RASGRP2: variants seen among roughly 807,000 people sequenced by gnomAD.
RASGRP2 encodes the protein RAS guanyl-releasing protein 2.
In RASGRP2, 44 loss-of-function variants were observed where a neutral mutation model predicts 71.0. The observed-to-expected ratio is 0.62, with a 90% CI of 0.49 to 0.80. The LOEUF is 0.80. Ranked by LOEUF, RASGRP2 falls within the 30% of genes least tolerant of loss-of-function variation. The pLI is 0.00. For missense variants in RASGRP2, 663 were observed against 813.4 expected (o/e 0.82, Z 2.25); for synonymous variants, 350 against 330.7 (o/e 1.06, Z -0.63).
chr11:64,729,726 C>T, intron 14 of RASGRP2, 36 bp downstream of exon 14: 1 of 1,599,288 alleles, frequency 6.3e-7, no homozygotes, highest in Non-Finnish European at 8.5e-7. Context: ...AAAAAAAAAA[C>T]ACTGCCCAGC....
At chr11:64,727,215 A>C (rs2057590940) in intron 16 of RASGRP2, 81 bp downstream of exon 16, 3 of 1,293,192 alleles carry the variant, frequency 2.3e-6, no homozygotes, top group Non-Finnish European at 3.4e-6. Flanking sequence ...CATTTGGATA[A>C]AGCACCCATT....
At chr11:64,729,958 G>C in intron 13 of RASGRP2, 95 bp downstream of exon 13, 2 of 1,529,768 alleles carry the variant, frequency 1.3e-6, no homozygotes, top group Non-Finnish European at 1.8e-6. Context: ...TTCCTGGCTT[G>C]AGAAGGGCTC....
At chr11:64,727,170 C>T in intron 16 of RASGRP2, 39 bp from the exon 17 acceptor site, 1 of 780,112 alleles carries the variant, frequency 1.3e-6, no homozygotes, top group South Asian at 1.4e-5. Flanking sequence ...AGACACCCCC[C>T]TAACAACAAG....
At position 64,739,019 on chromosome 11, in the gene RASGRP2, T is replaced by G. The variant is rs2135777475; in HGVS notation, c.813+341A>C. On this transcript the variant is annotated intron_variant, in intron 8 of 16. Transcript: ENST00000394432. This position sits in a 1 kb window ranked among gnomAD's most constrained non-coding sequence, Gnocchi z 4.2. ...TAGGCATGGTGGCGTACACCTGTAGTCCCAGCTACTCAGGAGGCTGAGGTG... is the reference window on the plus strand; with the variant it reads ...TAGGCATGGTGGCGTACACCTGTAGGCCCAGCTACTCAGGAGGCTGAGGTG... Among the ~76,000 whole-genome samples, 1 of 151,294 alleles carries G rather than the reference T, an allele frequency of 6.6e-6. No individual in the cohort carries two copies. The highest frequency in any genetic ancestry group is 2.1e-4 in the South Asian group (1 of 4,768).
intron 4 of RASGRP2, 86 bp from the exon 5 acceptor site, chr11:64,741,165 C>G (rs1032311200): frequency 6.6e-7 from 1 of 1,524,260 alleles, no homozygotes; most frequent in East Asian, 2.4e-5. Context: ...TTATAGTCAC[C>G]TAAGCAAAAA....
rs1040429254 is a variant in RASGRP2 at position 64,735,049 on chromosome 11, G to A, written c.1412+63C>T. 5.5e-6 allele frequency: 7 copies of A among 1,279,466 alleles called. No homozygotes were observed. Among genetic ancestry groups the A allele is most frequent in the Non-Finnish European group, 8.0e-6 (7 of 875,274 alleles). The allele number at this position is 1,279,466 out of a possible 1,614,324, so 79.3% of individuals were successfully genotyped here. On this transcript the variant is annotated intron_variant, in intron 12 of 16. Coordinates refer to ENST00000394432, the MANE Select transcript of RASGRP2 (RefSeq NM_001098671.2). This position sits in a 1 kb window ranked among gnomAD's most constrained non-coding sequence, Gnocchi z 4.2. ...GACCTCATCTTGCACACAAGAAACT[G>A]AAGCCCAGGCAGAAGTGGGCTGAGT...
At chr11:64,744,906 C>T (rs1444571837), upstream of RASGRP2, 4 of 146,802 alleles carry the variant, frequency 2.7e-5, no homozygotes, top group Non-Finnish European at 6.1e-5. Context: ...CCCCCTCCCC[C>T]CTCCGCCCCT....
Position 64,737,680 on chromosome 11 carries a change from A to G in RASGRP2, c.814-646T>C, listed in dbSNP as rs200228807. ...GGCGACAGAGCAAGACTCCATCTCA[A>G]AAAAAAAAAAAAAAAGAAAGAAAAA... On this transcript the variant is annotated intron_variant, in intron 8 of 16. Coordinates refer to ENST00000394432, the MANE Select transcript of RASGRP2 (RefSeq NM_001098671.2). Among the ~76,000 whole-genome samples, 2 of 3,600 alleles carry G rather than the reference A, an allele frequency of 5.6e-4. 1 individual carries two copies. The highest frequency in any genetic ancestry group is 5.9e-4 in the African/African-American group (2 of 3,414). 2.4% of individuals were successfully genotyped at this position (3,600 alleles called of 152,430 possible). A position where few individuals can be genotyped will look rare whatever the true frequency, so the allele number is the denominator to read the frequency against.
rs753286981 is a variant in RASGRP2 at position 64,735,709 on chromosome 11, G to T, written c.1174-45C>A. On this transcript the variant is annotated intron_variant, in intron 10 of 16. Coordinates refer to ENST00000394432, the MANE Select transcript of RASGRP2 (RefSeq NM_001098671.2). The surrounding 1 kb of genome is among the most constrained non-coding windows in gnomAD (Gnocchi z 4.2). Reference sequence around the variant, plus strand: ...TGAGCTAGGGCCAGAGGCAGGGGAAGCCCAGAGCCCCGGGGAACAGAGAGG... The same window carrying T: ...TGAGCTAGGGCCAGAGGCAGGGGAATCCCAGAGCCCCGGGGAACAGAGAGG... 1 of 1,580,308 alleles carries T rather than the reference G, an allele frequency of 6.3e-7. No individual in the cohort carries two copies. Among genetic ancestry groups the T allele is most frequent in the Non-Finnish European group, 8.6e-7 (1 of 1,164,864 alleles).
intron 12 of RASGRP2, among the ~76,000 whole-genome samples, chr11:64,734,506 G>T (rs1257876588): frequency 6.6e-6 from 1 of 151,788 alleles, no homozygotes; most frequent in East Asian, 1.9e-4. Flanking sequence ...TTACCACCTA[G>T]ATTTTATTTT....
rs1389480196 is a variant in RASGRP2 at position 64,739,388 on chromosome 11, T to C, written c.785A>G (p.His262Arg). 1.2e-5 allele frequency: 20 copies of C among 1,614,030 alleles called. No individual in the cohort carries two copies. Among genetic ancestry groups the C allele is most frequent in the Non-Finnish European group, 1.7e-5 (20 of 1,180,026 alleles). ...HSSISRLKET[H>R]SHVSPETIKL... Reference sequence around the variant, plus strand: ...GATGGTCTCAGGGCTAACGTGGCTGTGGGTCTCCTTGAGGCGGGAGATGGA... The same window carrying C: ...GATGGTCTCAGGGCTAACGTGGCTGCGGGTCTCCTTGAGGCGGGAGATGGA... Residue 262 changes from histidine to arginine, a missense_variant, in exon 8 of 17, where the codon CAC becomes CGC. His to Arg is a conservative substitution (Grantham distance 29). Transcript: ENST00000394432. This position sits in a 1 kb window ranked among gnomAD's most constrained non-coding sequence, Gnocchi z 4.2.
intron 5 of RASGRP2, chr11:64,740,454 G>A: frequency 1.6e-6 from 1 of 644,026 alleles, no homozygotes; most frequent in African/African-American, 1.8e-5. Context: ...AGTCTACTGA[G>A]GGAGACAGAC....
rs752084951 is a variant in RASGRP2 at position 64,735,942 on chromosome 11, G to A, written c.1134C>T (p.Tyr378=). The A allele has an allele frequency of 9.3e-6, 15 of 1,613,900 alleles. No individual in the cohort carries two copies. The African/African-American group carries it at 2.0e-4, about 22-fold the overall frequency. The change falls in exon 10 of 17, where the codon TAC becomes TAT. Residue 378 remains tyrosine, a synonymous_variant. Coordinates refer to ENST00000394432, the MANE Select transcript of RASGRP2 (RefSeq NM_001098671.2). The surrounding 1 kb of genome is among the most constrained non-coding windows in gnomAD (Gnocchi z 4.2). ...GCGGCTCCCGCTGCAGGGACAGCTGGTACAGCTCATCCTCCGTCTGATACT... is the reference window on the plus strand; with the variant it reads ...GCGGCTCCCGCTGCAGGGACAGCTGATACAGCTCATCCTCCGTCTGATACT... ...LDQYQTEDEL[Y]QLSLQREPRS... is the part of the protein sequence containing the mutation.
Position 64,729,747 on chromosome 11 carries a change from G to A in RASGRP2, c.1591+15C>T. On this transcript the variant is annotated intron_variant, in intron 14 of 16. Coordinates refer to ENST00000394432, the MANE Select transcript of RASGRP2 (RefSeq NM_001098671.2). ...AAAACACTGCCCAGCAGCCCTTCCA[G>A]TCATTCCATCTCACCTCGGCATTTG... is the stretch of plus-strand genomic sequence containing the variant. 6.2e-7 allele frequency: 1 copy of A among 1,613,682 alleles called. No homozygotes were observed. The highest frequency in any genetic ancestry group is 8.5e-7 in the Non-Finnish European group (1 of 1,179,624).
In RASGRP2 at chr11:64,739,788, C is replaced by G; in HGVS notation, c.544G>C (p.Val182Leu). The change falls in exon 7 of 17, where the codon GTG becomes CTG. Residue 182 changes from valine (V) to leucine (L), a missense_variant. Transcript: ENST00000394432. The surrounding 1 kb of genome is among the most constrained non-coding windows in gnomAD (Gnocchi z 4.2). ...TTGTCCACAGTGCAGCCATGAGTCA[C>G]GAAACTGTGATAGTCCTGAAACTGG... is the stretch of plus-strand genomic sequence containing the variant. The part of the protein sequence containing the change: ...KILFQDYHSF[V>L]THGCTVDNPV... The G allele has an allele frequency of 6.2e-7, 1 of 1,613,862 alleles. No homozygotes were observed. The highest frequency in any genetic ancestry group is 8.5e-7 in the Non-Finnish European group (1 of 1,179,930).
rs766418574 is a variant in RASGRP2 at position 64,735,511 on chromosome 11, C to T, written c.1296+31G>A. The T allele has an allele frequency of 1.2e-6, 2 of 1,613,534 alleles. No homozygotes were observed. Among genetic ancestry groups the T allele is most frequent in the Non-Finnish European group, 1.7e-6 (2 of 1,180,032 alleles). ...GTGCTCCGGCAAACTGGCCTCTCCC[C>T]ACACACTGCTCAGGCTCCGCAGGAG... On this transcript the variant is annotated intron_variant, in intron 11 of 16. Transcript: ENST00000394432. This position sits in a 1 kb window ranked among gnomAD's most constrained non-coding sequence, Gnocchi z 4.2.
chr11:64,740,746 G>T, intron 5 of RASGRP2: 1 of 717,106 alleles, frequency 1.4e-6, no homozygotes, highest in Non-Finnish European at 2.5e-6. Context: ...GAGGTGTGTG[G>T]GATGGGTGGT....
rs758258338 is a variant in RASGRP2 at position 64,739,987 on chromosome 11, CT to C, written c.522+25del. ...CTCTCTTCCAGCCCACATTGGACCCCTGACCCCCCAGCCCTCGGGCCGCACC... is the reference window on the plus strand; with the variant it reads ...CTCTCTTCCAGCCCACATTGGACCCCGACCCCCCAGCCCTCGGGCCGCACC... On this transcript the variant is annotated intron_variant, in intron 6 of 16. Transcript: ENST00000394432. The surrounding 1 kb of genome is among the most constrained non-coding windows in gnomAD (Gnocchi z 4.2). The C allele has an allele frequency of 1.2e-6, 2 of 1,613,776 alleles. No homozygotes were observed. The highest frequency in any genetic ancestry group is 1.3e-5 in the African/African-American group (1 of 74,894).
intron 15 of RASGRP2, among the ~76,000 whole-genome samples, chr11:64,728,428 T>A (rs2057643539): frequency 6.6e-6 from 1 of 152,244 alleles, no homozygotes; most frequent in African/African-American, 2.4e-5. Context: ...TTCTTTATTT[T>A]TTATTTTTTT....
Sources: allele counts gnomAD v4.1 joint callset (sites outside exome capture counted in the v4.1 genomes callset), GRCh38; gene constraint gnomAD v4.1.1; non-coding constraint Gnocchi (gnomAD v3.1); transcripts MANE v1.5; gene names NCBI Gene and HGNC (gene_info 2026-07-23, HGNC 2026-07-21).